SLC30A10: variants seen among roughly 807,000 people sequenced by gnomAD.
SLC30A10 encodes the protein calcium/manganese antiporter SLC30A10.
SLC30A10 carries 8 observed loss-of-function variants against 21.7 expected under a neutral mutation model. The observed-to-expected ratio is 0.37, with a 90% CI of 0.22 to 0.67. The LOEUF is 0.67. Among genes scored for constraint, SLC30A10 ranks in the 30% least tolerant of loss-of-function variants. The pLI, the probability that SLC30A10 is intolerant of heterozygous loss-of-function variation, is 0.58. For missense variants in SLC30A10, 521 were observed against 642.5 expected, an observed-to-expected ratio of 0.81 and a Z score of 2.04; for synonymous variants, 272 against 279.4, an observed-to-expected ratio of 0.97 and a Z score of 0.26.
chr1:219,946,689 C>A (rs766287846), intron 1 of SLC30A10, among the ~76,000 whole-genome samples: 1 of 152,068 alleles, frequency 6.6e-6, no homozygotes, highest in Non-Finnish European at 1.5e-5. Context: ...TGAGAAGGCA[C>A]ATTCTCTCTG....
At chr1:219,923,483 T>C (rs922396726) in intron 2 of SLC30A10, among the ~76,000 whole-genome samples, 1 of 152,214 alleles carries the variant, frequency 6.6e-6, no homozygotes, top group Non-Finnish European at 1.5e-5. Context: ...GCATTTGCAC[T>C]GGGCAAATGG....
chr1:219,956,067 G>T (rs1660345390), intron 1 of SLC30A10, among the ~76,000 whole-genome samples: 1 of 152,278 alleles, frequency 6.6e-6, no homozygotes, highest in Non-Finnish European at 1.5e-5. Context: ...AAAATGTATG[G>T]TTCAGAAAAG....
intron 3 of SLC30A10, among the ~76,000 whole-genome samples, chr1:219,916,953 T>C (rs2102525412): frequency 6.6e-6 from 1 of 150,950 alleles, no homozygotes; most frequent in East Asian, 1.9e-4. Context: ...GCTATTGTTA[T>C]TACTATCTTG....
At chr1:219,948,371 G>C (rs1414359813) in intron 1 of SLC30A10, among the ~76,000 whole-genome samples, 5 of 151,918 alleles carry the variant, frequency 3.3e-5, no homozygotes, top group Non-Finnish European at 7.4e-5. Context: ...ATACTACAAG[G>C]CTACAGTAAC....
chr1:219,949,540 A>T (rs1473946870), intron 1 of SLC30A10, among the ~76,000 whole-genome samples: 2 of 152,132 alleles, frequency 1.3e-5, no homozygotes, highest in African/African-American at 4.8e-5. Context: ...TCTCACTCAT[A>T]GGTGGGAATT....
At position 219,936,380 on chromosome 1, in the gene SLC30A10, G is replaced by T. The variant is rs140039709; in HGVS notation, n.81-9275C>A. 2.9e-3 allele frequency among the ~76,000 whole-genome samples: 443 copies of T among 152,286 alleles called. 2 individuals carry two copies. Among genetic ancestry groups the T allele is most frequent in the African/African-American group, 0.01 (419 of 41,578 alleles). On this transcript the variant is annotated intron_variant and non_coding_transcript_variant, in intron 1 of 8. Coordinates refer to the SLC30A10 transcript ENST00000484239. ...CTAGAAAGCAAGCACTGTATTTGTGGCCACCAGTATTTAAATGGGTCAGCT... is the reference window on the plus strand; with the variant it reads ...CTAGAAAGCAAGCACTGTATTTGTGTCCACCAGTATTTAAATGGGTCAGCT...
At chr1:219,932,836 C>T (rs548338149), upstream of SLC30A10, among the ~76,000 whole-genome samples, 20 of 144,500 alleles carry the variant, frequency 1.4e-4, 1 homozygote, top group African/African-American at 2.8e-4. Context: ...CTGAGGTGGG[C>T]GCATCACCTT....
At chr1:219,934,807 G>T (rs945752324) in intron 1 of SLC30A10, among the ~76,000 whole-genome samples, 8 of 152,116 alleles carry the variant, frequency 5.3e-5, no homozygotes, top group African/African-American at 1.9e-4. Context: ...GGTATCTGGG[G>T]TCATCTTGTC....
chr1:219,942,458 G>A (rs1301939361), intron 1 of SLC30A10, among the ~76,000 whole-genome samples: 3 of 152,184 alleles, frequency 2.0e-5, no homozygotes, highest in Non-Finnish European at 2.9e-5. Flanking sequence ...TGCCCCAAAG[G>A]CGACAACAAG....
rs577324434 is a variant in SLC30A10 at position 219,944,449 on chromosome 1, A to G, written n.80+14119T>C. Among the ~76,000 whole-genome samples, 13 of 130,626 alleles carry G rather than the reference A, an allele frequency of 1.0e-4. No individual in the cohort carries two copies. The East Asian group carries it at 2.8e-3, about 28-fold the overall frequency. The allele number at this position is 130,626 out of a possible 152,430, so 85.7% of individuals were successfully genotyped here. On this transcript the variant is annotated intron_variant and non_coding_transcript_variant, in intron 1 of 8. Transcript: ENST00000484239. ...GGTGACAGAGCAAGACTCTGTCTCA[A>G]AAACAAAACAAAACAAAACAAAACA...
At chr1:219,944,124 T>C (rs1338872229) in intron 1 of SLC30A10, among the ~76,000 whole-genome samples, 1 of 138,314 alleles carries the variant, frequency 7.2e-6, no homozygotes, top group Non-Finnish European at 1.5e-5. Flanking sequence ...TCAATGGGGC[T>C]CTTGGCAGTG....
intron 1 of SLC30A10, among the ~76,000 whole-genome samples, chr1:219,940,852 A>C (rs1282877988): frequency 6.6e-6 from 1 of 152,198 alleles, no homozygotes; most frequent in Non-Finnish European, 1.5e-5. Context: ...TTCAAGTGAG[A>C]CTATCTAACT....
At chr1:219,945,058 A>G (rs1028945941) in intron 1 of SLC30A10, among the ~76,000 whole-genome samples, 3 of 152,232 alleles carry the variant, frequency 2.0e-5, no homozygotes, top group Non-Finnish European at 2.9e-5. Flanking sequence ...GCTGAAAGAA[A>G]AAAAGCCCAT....
chr1:219,950,453 C>G (rs1286119712), intron 1 of SLC30A10, among the ~76,000 whole-genome samples: 1 of 151,846 alleles, frequency 6.6e-6, no homozygotes, highest in Non-Finnish European at 1.5e-5. Flanking sequence ...TCCTGGCTAA[C>G]ACAGTGAAAC....
intron 1 of SLC30A10, among the ~76,000 whole-genome samples, chr1:219,947,448 G>A (rs374649391): frequency 1.3e-5 from 2 of 152,120 alleles, no homozygotes; most frequent in African/African-American, 2.4e-5. Context: ...TGGGAGGATC[G>A]CTTGAGCCTG....
Position 219,915,494 on chromosome 1 carries a change from G to T in SLC30A10, c.1413C>A (p.Asn471Lys), listed in dbSNP as rs1180671170. 6.2e-7 allele frequency: 1 copy of T among 1,614,104 alleles called. No individual in the cohort carries two copies. The highest frequency in any genetic ancestry group is 1.3e-5 in the African/African-American group (1 of 74,944). ...SCLSDHGQSLNKTQEDQCYVN... is the reference protein window; with the variant it reads ...SCLSDHGQSLKKTQEDQCYVN... ...CATAACATTGGTCCTCCTGAGTTTT[G>T]TTAAGACTTTGTCCGTGGTCACTCA... The change falls in exon 4 of 4, where the codon AAC becomes AAA. Residue 471 changes from asparagine to lysine, a missense_variant. Asn to Lys is a moderately conservative substitution (Grantham distance 94, BLOSUM62 0). Transcript: ENST00000366926.
chr1:219,953,908 G>A lies in SLC30A10; in HGVS notation n.80+4660C>T, dbSNP rs549574862. 2.0e-4 allele frequency among the ~76,000 whole-genome samples: 30 copies of A among 151,178 alleles called. No individual in the cohort carries two copies. The East Asian group carries it at 5.2e-3, about 26-fold the overall frequency. On this transcript the variant is annotated intron_variant and non_coding_transcript_variant, in intron 1 of 8. Transcript: ENST00000484239. ...TATTTAGTAGAGATGGGGTTTCACCGTGTTAGGCAGGATGGTCTCGATCTC... is the reference window on the plus strand; with the variant it reads ...TATTTAGTAGAGATGGGGTTTCACCATGTTAGGCAGGATGGTCTCGATCTC...
In SLC30A10 at chr1:219,928,526, A is replaced by T; in HGVS notation, c.-86T>A. 8.0e-7 allele frequency: 1 copy of T among 1,255,388 alleles called. No homozygotes were observed. The highest frequency in any genetic ancestry group is 1.0e-6 in the Non-Finnish European group (1 of 960,632). The allele number at this position is 1,255,388 out of a possible 1,614,324, so 77.8% of individuals were successfully genotyped here. Reference sequence around the variant, plus strand: ...GCCACAGGTGGGGGGCGCGGCGCGGATCCGTGAGGCCCGGTACCCGCCTCC... The same window carrying T: ...GCCACAGGTGGGGGGCGCGGCGCGGTTCCGTGAGGCCCGGTACCCGCCTCC... On this transcript the variant is annotated 5_prime_UTR_variant, in exon 1 of 4. Transcript: ENST00000366926. This position sits in a 1 kb window ranked among gnomAD's most constrained non-coding sequence, Gnocchi z 6.3.
At chr1:219,941,751 G>C (rs866063240) in intron 1 of SLC30A10, among the ~76,000 whole-genome samples, 7 of 148,422 alleles carry the variant, frequency 4.7e-5, no homozygotes, top group Non-Finnish European at 7.4e-5. Context: ...TTCACATGCT[G>C]ACTGGAAATG....
Sources: allele counts gnomAD v4.1 joint callset (sites outside exome capture counted in the v4.1 genomes callset), GRCh38; gene constraint gnomAD v4.1.1; non-coding constraint Gnocchi (gnomAD v3.1); transcripts MANE v1.5; gene names NCBI Gene and HGNC (gene_info 2026-07-23, HGNC 2026-07-21).